The following PKP4 variants were observed in gnomAD, a reference collection of about 807,000 sequenced individuals.
The protein encoded by PKP4 is plakophilin-4.
A neutral mutation model predicts 145.1 loss-of-function variants in PKP4; 90 were observed. The observed-to-expected ratio is 0.62, with a 90% CI of 0.52 to 0.74. PKP4 has a LOEUF of 0.74. Among genes scored for constraint, PKP4 ranks in the 30% least tolerant of loss-of-function variants. PKP4 has a pLI of 0.00. For synonymous variants in PKP4, 563 were observed against 577.2 expected (o/e 0.98, Z 0.35); for missense variants, 1,340 against 1,482.7 (o/e 0.90, Z 1.58).
intron 3 of PKP4, among the ~76,000 whole-genome samples, chr2:158,589,942 A>G (rs2049112070): frequency 6.6e-6 from 1 of 152,166 alleles, no homozygotes; most frequent in Admixed American, 6.5e-5. Context: ...CGTTTTCAGC[A>G]GTTAATCAGC....
chr2:158,498,231 T>G (rs920747815), intron 1 of PKP4, among the ~76,000 whole-genome samples: 1 of 152,160 alleles, frequency 6.6e-6, no homozygotes, highest in Admixed American at 6.5e-5. Context: ...CAAGGGATCC[T>G]CCCACCTCAG....
At chr2:158,482,503 A>G (rs570376905) in intron 1 of PKP4, among the ~76,000 whole-genome samples, 3 of 151,870 alleles carry the variant, frequency 2.0e-5, no homozygotes, top group Admixed American at 6.6e-5. Flanking sequence ...TATTTCATTT[A>G]TGTTTTAACC....
chr2:158,563,032 C>A lies in PKP4; in HGVS notation c.133-14239C>A, dbSNP rs559412544. 2.0e-5 allele frequency among the ~76,000 whole-genome samples: 3 copies of A among 152,166 alleles called. No individual in the cohort carries two copies. In the South Asian group the frequency reaches 6.2e-4, roughly 32 times the overall value. On this transcript the variant is annotated intron_variant, in intron 2 of 21. Coordinates refer to ENST00000389759, the MANE Select transcript of PKP4 (RefSeq NM_003628.6). ...TAAAGATACCAGTTCTTTATTAAATCCTGTGGAGTTTCCAGAGAAATACAT... is the reference window on the plus strand; with the variant it reads ...TAAAGATACCAGTTCTTTATTAAATACTGTGGAGTTTCCAGAGAAATACAT...
At chr2:158,552,876 A>G (rs906668479) in intron 2 of PKP4, among the ~76,000 whole-genome samples, 2 of 152,220 alleles carry the variant, frequency 1.3e-5, no homozygotes, top group African/African-American at 2.4e-5. Context: ...AAATAAGCAC[A>G]TATTGTTGGA....
intron 11 of PKP4, among the ~76,000 whole-genome samples, chr2:158,645,935 A>G (rs1341146492): frequency 6.6e-6 from 1 of 152,202 alleles, no homozygotes; most frequent in African/African-American, 2.4e-5. Flanking sequence ...GCTTTTATGT[A>G]CTAGGTTACC....
At chr2:158,568,310 C>A (rs1422337852) in intron 2 of PKP4, among the ~76,000 whole-genome samples, 1 of 152,148 alleles carries the variant, frequency 6.6e-6, no homozygotes, top group African/African-American at 2.4e-5. Flanking sequence ...TGCACTCCAG[C>A]CTGGGCAACA....
intron 1 of PKP4, among the ~76,000 whole-genome samples, chr2:158,513,964 G>A (rs1160534665): frequency 6.6e-6 from 1 of 152,114 alleles, no homozygotes; most frequent in African/African-American, 2.4e-5. Flanking sequence ...TCTCCCATGC[G>A]AAGTTGAGCT....
intron 3 of PKP4, among the ~76,000 whole-genome samples, chr2:158,587,759 G>C (rs1027669721): frequency 2.2e-4 from 34 of 151,696 alleles, no homozygotes; most frequent in African/African-American, 8.2e-4. Context: ...AAAAAATATT[G>C]AACATAAAAT....
chr2:158,680,806 T>C lies in PKP4; in HGVS notation c.*129T>C. 2.2e-6 allele frequency: 2 copies of C among 893,362 alleles called. No homozygotes were observed. Among genetic ancestry groups the C allele is most frequent in the Non-Finnish European group, 3.4e-6 (2 of 587,528 alleles). 55.3% of individuals were successfully genotyped at this position (893,362 alleles called of 1,614,324 possible). A position where few individuals can be genotyped will look rare whatever the true frequency, so the allele number is the denominator to read the frequency against. ...GAAGGAATGAATGAAGTGTGTTTTT[T>C]TTTTCTTTTTTGAGGAATTATCAGG... On this transcript the variant is annotated 3_prime_UTR_variant, in exon 22 of 22. Transcript: ENST00000389759.
At chr2:158,481,368 G>A (rs1693326135) in intron 1 of PKP4, among the ~76,000 whole-genome samples, 1 of 152,070 alleles carries the variant, frequency 6.6e-6, no homozygotes, top group Non-Finnish European at 1.5e-5. Context: ...GTACATTTTT[G>A]TGTGAACATA....
chr2:158,567,102 G>C (rs912280772), intron 2 of PKP4, among the ~76,000 whole-genome samples: 1 of 152,164 alleles, frequency 6.6e-6, no homozygotes, highest in Non-Finnish European at 1.5e-5. Context: ...ACTTACCAGA[G>C]TTTTCTGGGT....
At chr2:158,613,043 G>A (rs897531081) in intron 4 of PKP4, among the ~76,000 whole-genome samples, 4 of 152,108 alleles carry the variant, frequency 2.6e-5, no homozygotes, top group Non-Finnish European at 5.9e-5. Flanking sequence ...ATAATTGTGG[G>A]TGCCAACATC....
At chr2:158,471,105 C>T (rs551273611) in intron 1 of PKP4, among the ~76,000 whole-genome samples, 5 of 152,284 alleles carry the variant, frequency 3.3e-5, no homozygotes, top group African/African-American at 9.6e-5. Context: ...AGAGGAATCT[C>T]TCAGAGCCTT....
intron 1 of PKP4, among the ~76,000 whole-genome samples, chr2:158,464,673 A>G (rs1317381311): frequency 1.3e-5 from 2 of 152,252 alleles, no homozygotes. Context: ...TGTTGTTCCC[A>G]TACCTTCATG....
At chr2:158,486,504 A>G (rs1263611782) in intron 1 of PKP4, among the ~76,000 whole-genome samples, 2 of 152,244 alleles carry the variant, frequency 1.3e-5, no homozygotes, top group African/African-American at 2.4e-5. Context: ...TAAGACCTAC[A>G]GATATTATTC....
chr2:158,662,851 C>G lies in PKP4; in HGVS notation c.2212-46C>G, dbSNP rs918906413. 4 of 1,513,440 alleles carry G rather than the reference C, an allele frequency of 2.6e-6. No homozygotes were observed. The Admixed American group carries it at 6.1e-5, about 23-fold the overall frequency. 93.8% of individuals were successfully genotyped at this position (1,513,440 alleles called of 1,614,324 possible). A position where few individuals can be genotyped will look rare whatever the true frequency, so the allele number is the denominator to read the frequency against. Reference sequence around the variant, plus strand: ...GTGTTCAGTACAGAAGTGTTTTGCTCTAATGTGCCGAGTTGTTTTTAATTA... The same window carrying G: ...GTGTTCAGTACAGAAGTGTTTTGCTGTAATGTGCCGAGTTGTTTTTAATTA... On this transcript the variant is annotated intron_variant, in intron 13 of 21. Coordinates refer to ENST00000389759, the MANE Select transcript of PKP4 (RefSeq NM_003628.6).
intron 11 of PKP4, among the ~76,000 whole-genome samples, chr2:158,656,831 G>T (rs1474180500): frequency 2.6e-5 from 4 of 152,128 alleles, no homozygotes; most frequent in African/African-American, 9.7e-5. Context: ...ACAAAGGAAG[G>T]AGCTCCTGTC....
intron 1 of PKP4, among the ~76,000 whole-genome samples, chr2:158,489,123 T>G (rs886228912): frequency 2.0e-5 from 3 of 152,234 alleles, no homozygotes; most frequent in Non-Finnish European, 4.4e-5. Flanking sequence ...AAGATTTTAT[T>G]TAAAACAAAG....
chr2:158,566,492 A>ATATATATATATATATATATAT (rs1283907525), intron 2 of PKP4, among the ~76,000 whole-genome samples: 2 of 152,072 alleles, frequency 1.3e-5, no homozygotes, highest in African/African-American at 4.8e-5. Flanking sequence ...ATATATATAT[A>ATATATATATATATATATATAT]AAACCCAAAT....
Sources: gnomAD v4.1 joint callset for allele counts (sites outside exome capture counted in the v4.1 genomes callset) on GRCh38, gnomAD v4.1.1 for gene constraint, MANE v1.5 for transcripts, NCBI Gene and HGNC (gene_info 2026-07-23, HGNC 2026-07-21) for gene names.